Variants in CSMD1 observed in about 807,000 individuals in gnomAD.
CSMD1 encodes CUB and sushi domain-containing protein 1.
Under a neutral mutation model 417.5 loss-of-function variants are expected in CSMD1, and 213 were observed. That is an observed-to-expected ratio of 0.51 (90% CI 0.46 to 0.57). The LOEUF (loss-of-function observed/expected upper bound fraction) is 0.57. Ranked by LOEUF, CSMD1 falls within the 20% of genes least tolerant of loss-of-function variation. The pLI is 0.00. For synonymous variants in CSMD1, 2,862 were observed against 1,736.8 expected (o/e 1.65, Z -16.11); for missense variants, 6,923 against 4,529.7 (o/e 1.53, Z -15.17).
chr8:4,099,671 T>A (rs1801205699), intron 3 of CSMD1, among the ~76,000 whole-genome samples: 1 of 152,168 alleles, frequency 6.6e-6, no homozygotes, highest in Non-Finnish European at 1.5e-5. Flanking sequence ...TCTGCTTATT[T>A]AAATACAAAC....
At chr8:4,653,695 C>G (rs1432548856) in intron 1 of CSMD1, among the ~76,000 whole-genome samples, 1 of 151,998 alleles carries the variant, frequency 6.6e-6, no homozygotes. Context: ...TGAAAATAAG[C>G]ATAACACAAA....
intron 1 of CSMD1, among the ~76,000 whole-genome samples, chr8:4,772,301 C>G (rs766422718): frequency 4.6e-5 from 7 of 152,220 alleles, no homozygotes; most frequent in African/African-American, 1.2e-4. Context: ...TCAAATCTCT[C>G]CTTCACGTCA....
At chr8:4,595,434 C>T (rs919907720) in intron 2 of CSMD1, among the ~76,000 whole-genome samples, 1 of 126,842 alleles carries the variant, frequency 7.9e-6, no homozygotes, top group Admixed American at 8.8e-5. Context: ...ATGCTAACAA[C>T]AATGGAAAGG....
rs77664388 is a variant in CSMD1 at position 3,094,894 on chromosome 8, T to C, written c.7138+1955A>G. On this transcript the variant is annotated intron_variant, in intron 47 of 69. Coordinates refer to ENST00000635120, the MANE Select transcript of CSMD1 (RefSeq NM_033225.6). ...AAAAATGTCATCGCTTAAAAACATATTCACATAAAACTCTGACCTTTCACT... is the reference window on the plus strand; with the variant it reads ...AAAAATGTCATCGCTTAAAAACATACTCACATAAAACTCTGACCTTTCACT... Among the ~76,000 whole-genome samples the C allele has an allele frequency of 4.6e-3, 699 of 151,728 alleles. 6 individuals are homozygous for C. Among genetic ancestry groups the C allele is most frequent in the African/African-American group, 0.016 (659 of 41,416 alleles).
chr8:3,270,310 C>G (rs1026383729), intron 26 of CSMD1, among the ~76,000 whole-genome samples: 1 of 152,092 alleles, frequency 6.6e-6, no homozygotes, highest in South Asian at 2.1e-4. Context: ...TCTGCCTTGG[C>G]CTCCCAAAGT....
chr8:4,627,519 ATAAC>A (rs766027974), intron 2 of CSMD1, among the ~76,000 whole-genome samples: 29 of 152,206 alleles, frequency 1.9e-4, no homozygotes, highest in Non-Finnish European at 2.9e-5. Flanking sequence ...ATTAAATAAA[ATAAC>A]TATTTCATTT....
At chr8:4,874,513 C>G (rs916113730) in intron 1 of CSMD1, among the ~76,000 whole-genome samples, 1 of 151,248 alleles carries the variant, frequency 6.6e-6, no homozygotes, top group Non-Finnish European at 1.5e-5. Flanking sequence ...CCTCAGCCTC[C>G]TGAGCAGCTG....
intron 3 of CSMD1, among the ~76,000 whole-genome samples, chr8:4,284,957 A>G (rs1796982154): frequency 6.6e-6 from 1 of 152,196 alleles, no homozygotes; most frequent in African/African-American, 2.4e-5. Flanking sequence ...TGGGCAAAGT[A>G]ACCTCACCTC....
At chr8:4,868,078 A>T (rs1046154442) in intron 1 of CSMD1, among the ~76,000 whole-genome samples, 1 of 152,034 alleles carries the variant, frequency 6.6e-6, no homozygotes, top group Admixed American at 6.5e-5. Context: ...TATTTACTGG[A>T]AAAAGCAATT....
At chr8:4,944,223 C>A (rs1033924017) in intron 1 of CSMD1, among the ~76,000 whole-genome samples, 4 of 152,168 alleles carry the variant, frequency 2.6e-5, no homozygotes, top group African/African-American at 9.6e-5. Flanking sequence ...AATTAAAGAC[C>A]AAAAGATGAT....
At chr8:4,465,718 G>C (rs1280299469) in intron 2 of CSMD1, among the ~76,000 whole-genome samples, 1 of 152,160 alleles carries the variant, frequency 6.6e-6, no homozygotes, top group Non-Finnish European at 1.5e-5. Flanking sequence ...GGTAGGAAAG[G>C]ATGCTGGTGT....
At chr8:4,788,512 A>T in intron 1 of CSMD1, 1 of 1,399,190 alleles carries the variant, frequency 7.1e-7, no homozygotes, top group South Asian at 1.2e-5. Context: ...TATGGAGCAA[A>T]CTGTGAGCAA....
chr8:4,667,501 T>C (rs949933838), intron 1 of CSMD1, among the ~76,000 whole-genome samples: 1 of 152,274 alleles, frequency 6.6e-6, no homozygotes, highest in South Asian at 2.1e-4. Context: ...GAACATGATA[T>C]ACCCTCCTTT....
At chr8:4,404,784 A>G (rs1245268751) in intron 3 of CSMD1, among the ~76,000 whole-genome samples, 1 of 152,202 alleles carries the variant, frequency 6.6e-6, no homozygotes, top group African/African-American at 2.4e-5. Flanking sequence ...GCCATAAGCA[A>G]GACTTGAACT....
chr8:4,273,663 T>C (rs1231023690), intron 3 of CSMD1, among the ~76,000 whole-genome samples: 1 of 152,190 alleles, frequency 6.6e-6, no homozygotes, highest in African/African-American at 2.4e-5. Flanking sequence ...CAGTAATCTG[T>C]AGCAAATAGT....
intron 3 of CSMD1, among the ~76,000 whole-genome samples, chr8:4,171,744 T>C (rs1487129943): frequency 6.6e-6 from 1 of 152,180 alleles, no homozygotes; most frequent in Non-Finnish European, 1.5e-5. Context: ...TTTCATCTTT[T>C]TATTTTATTC....
At chr8:4,932,047 A>G (rs77377521) in intron 1 of CSMD1, among the ~76,000 whole-genome samples, 2 of 151,178 alleles carry the variant, frequency 1.3e-5, no homozygotes. Context: ...TATTGCTAAC[A>G]TTTCTTTGGT....
intron 10 of CSMD1, among the ~76,000 whole-genome samples, chr8:3,553,231 G>C (rs1798995276): frequency 6.6e-6 from 1 of 152,150 alleles, no homozygotes; most frequent in Non-Finnish European, 1.5e-5. Flanking sequence ...AGATACCTAG[G>C]TAGGCTTTCA....
At chr8:3,837,133 A>C (rs1217587843) in intron 5 of CSMD1, among the ~76,000 whole-genome samples, 1 of 143,786 alleles carries the variant, frequency 7.0e-6, no homozygotes, top group Non-Finnish European at 1.5e-5. Context: ...GCAAAAATTG[A>C]AAGTGTAGTC....
Sources: gnomAD v4.1 joint callset for allele counts (sites outside exome capture counted in the v4.1 genomes callset) on GRCh38, gnomAD v4.1.1 for gene constraint, MANE v1.5 for transcripts, NCBI Gene and HGNC (gene_info 2026-07-23, HGNC 2026-07-21) for gene names.